Variants in KIF26B observed in about 807,000 individuals in gnomAD.
The protein encoded by KIF26B is kinesin-like protein KIF26B.
Under a neutral mutation model 151.2 loss-of-function variants are expected in KIF26B, and 63 were observed. That is an observed-to-expected ratio of 0.42 (90% confidence interval 0.34 to 0.51). KIF26B has a LOEUF of 0.51. Ranked by LOEUF, KIF26B falls within the 20% of genes least tolerant of loss-of-function variation. KIF26B has a pLI of 0.07. For missense variants in KIF26B, 2,813 were observed against 2,913.6 expected, an observed-to-expected ratio of 0.97 and a Z score of 0.79; for synonymous variants, 1,357 against 1,262.1, an observed-to-expected ratio of 1.08 and a Z score of -1.59.
Position 245,170,450 on chromosome 1 carries a change from G to A in KIF26B, c.465+13767G>A, listed in dbSNP as rs1021985758. Among the ~76,000 whole-genome samples the A allele has an allele frequency of 5.3e-5, 8 of 152,154 alleles. No homozygotes were observed. Among genetic ancestry groups the A allele is most frequent in the African/African-American group, 1.4e-4 (6 of 41,434 alleles). ...AATTGGTTCCAGGTGTTCCAGGGAC[G>A]AAACTTATCAGAACCAAACATAGAG... On this transcript the variant is annotated intron_variant, in intron 2 of 14. Coordinates refer to ENST00000407071, the MANE Select transcript of KIF26B (RefSeq NM_018012.4). The surrounding 1 kb of genome is among the most constrained non-coding windows in gnomAD (Gnocchi z 4.4).
At chr1:245,208,668 C>A (rs1669454310) in intron 2 of KIF26B, among the ~76,000 whole-genome samples, 1 of 152,152 alleles carries the variant, frequency 6.6e-6, no homozygotes, top group Non-Finnish European at 1.5e-5. Flanking sequence ...ACCCAGGACC[C>A]AACATCTCCA....
At chr1:245,590,108 G>A (rs2043270566) in intron 5 of KIF26B, among the ~76,000 whole-genome samples, 1 of 151,962 alleles carries the variant, frequency 6.6e-6, no homozygotes, top group Admixed American at 6.5e-5. Context: ...CGCCTCTGTG[G>A]CGGCTGGGCC....
At chr1:245,172,149 G>A (rs189592582) in intron 2 of KIF26B, among the ~76,000 whole-genome samples, 181 of 152,216 alleles carry the variant, frequency 1.2e-3, no homozygotes, top group African/African-American at 4.2e-3. Flanking sequence ...CGTGTGTCTA[G>A]ACTTGGTGGT....
chr1:245,590,127 T>G (rs951772753), intron 5 of KIF26B, among the ~76,000 whole-genome samples: 26 of 120,980 alleles, frequency 2.1e-4, no homozygotes, highest in African/African-American at 5.2e-4. Context: ...CCCCGCGGGG[T>G]CGGGGGGTGG....
intron 2 of KIF26B, among the ~76,000 whole-genome samples, chr1:245,328,997 T>A (rs1672047943): frequency 6.6e-6 from 1 of 152,242 alleles, no homozygotes; most frequent in African/African-American, 2.4e-5. Context: ...TTTTCTGTCA[T>A]TTTGTAGTTC....
At chr1:245,524,120 T>C (rs931671834) in intron 4 of KIF26B, among the ~76,000 whole-genome samples, 6 of 152,218 alleles carry the variant, frequency 3.9e-5, no homozygotes, top group African/African-American at 1.4e-4. Context: ...AGCTTGGTTA[T>C]TGTACTTGGA....
chr1:245,536,674 G>A (rs78170305), intron 4 of KIF26B, among the ~76,000 whole-genome samples: 2,585 of 152,248 alleles, frequency 0.017, 93 homozygotes, highest in African/African-American at 0.06. Context: ...CTTAGTGGGT[G>A]TGATTTATCT....
intron 4 of KIF26B, among the ~76,000 whole-genome samples, chr1:245,451,443 A>T (rs1324079498): frequency 6.6e-6 from 1 of 151,838 alleles, no homozygotes; most frequent in African/African-American, 2.4e-5. Flanking sequence ...ATGATCAGAT[A>T]ATATTGTTTT....
At chr1:245,264,595 A>C (rs1670706195) in intron 2 of KIF26B, among the ~76,000 whole-genome samples, 1 of 152,062 alleles carries the variant, frequency 6.6e-6, no homozygotes, top group African/African-American at 2.4e-5. Flanking sequence ...AAACAAAACA[A>C]AAAAAAACAG....
intron 2 of KIF26B, among the ~76,000 whole-genome samples, chr1:245,261,560 T>C (rs371458055): frequency 2.8e-5 from 4 of 141,330 alleles, no homozygotes; most frequent in African/African-American, 1.0e-4. Context: ...TCCCTCCGTC[T>C]GTCCCTCTCT....
rs76408842 is a variant in KIF26B, at chr1:245,192,571, T to C, written c.465+35888T>C. 5.6e-3 allele frequency among the ~76,000 whole-genome samples: 856 copies of C among 152,362 alleles called. 6 individuals carry two copies. Among genetic ancestry groups the C allele is most frequent in the African/African-American group, 0.02 (823 of 41,592 alleles). Reference sequence around the variant, plus strand: ...AGTTACATAGTTTTCAAACTCTGTCTCCTGCTAAATGATCATCTATACTGA... The same window carrying C: ...AGTTACATAGTTTTCAAACTCTGTCCCCTGCTAAATGATCATCTATACTGA... On this transcript the variant is annotated intron_variant, in intron 2 of 14. Transcript: ENST00000407071.
Position 245,704,117 on chromosome 1 carries a change from C to CTGA in KIF26B, c.*1516_*1518dup, listed in dbSNP as rs1391836916. On this transcript the variant is annotated 3_prime_UTR_variant, in exon 15 of 15. Coordinates refer to ENST00000407071, the MANE Select transcript of KIF26B (RefSeq NM_018012.4). ...GATTTCCCTGATAAAAGCTGTGGTGCTGATGATAGTGCAGCCCAGAATCTA... is the reference window on the plus strand; with the variant it reads ...GATTTCCCTGATAAAAGCTGTGGTGCTGATGATGATAGTGCAGCCCAGAATCTA... 6.6e-6 allele frequency: 1 copy of CTGA among 152,260 alleles called. No individual in the cohort carries two copies. Among genetic ancestry groups the CTGA allele is most frequent in the African/African-American group, 2.4e-5 (1 of 41,450 alleles). 9.4% of individuals were successfully genotyped at this position (152,260 alleles called of 1,614,324 possible). A position where few individuals can be genotyped will look rare whatever the true frequency, so the allele number is the denominator to read the frequency against.
intron 3 of KIF26B, among the ~76,000 whole-genome samples, chr1:245,398,039 C>G (rs1473607285): frequency 6.6e-6 from 1 of 152,162 alleles, no homozygotes; most frequent in Non-Finnish European, 1.5e-5. Context: ...AAGTAGGGAG[C>G]TTTCCATCTT....
chr1:245,507,903 C>G (rs1399079046), intron 4 of KIF26B, among the ~76,000 whole-genome samples: 11 of 152,298 alleles, frequency 7.2e-5, no homozygotes, highest in Middle Eastern at 3.4e-3. Context: ...TGGCATCTTT[C>G]ATTTCCACCT....
At chr1:245,328,167 G>C (rs1463738033) in intron 2 of KIF26B, among the ~76,000 whole-genome samples, 1 of 150,734 alleles carries the variant, frequency 6.6e-6, no homozygotes, top group Non-Finnish European at 1.5e-5. Context: ...GCGGGAGAGA[G>C]ACCCAGGCTG....
intron 2 of KIF26B, among the ~76,000 whole-genome samples, chr1:245,361,805 G>A (rs1035212579): frequency 3.9e-5 from 6 of 152,098 alleles, no homozygotes; most frequent in African/African-American, 4.8e-5. Context: ...TTCTTTTCCC[G>A]TCTTTCCAGA....
chr1:245,177,961 GGGTTAGCCTCCACGTAGGAAA>G (rs928905983), intron 2 of KIF26B, among the ~76,000 whole-genome samples: 1 of 152,158 alleles, frequency 6.6e-6, no homozygotes, highest in African/African-American at 2.4e-5. Context: ...GTTTAGACTG[GGGTTAGCCTCCACGTAGGAAA>G]GGTCTGAAGA....
At chr1:245,632,756 A>T (rs563708911) in intron 9 of KIF26B, among the ~76,000 whole-genome samples, 1 of 152,142 alleles carries the variant, frequency 6.6e-6, no homozygotes, top group Non-Finnish European at 1.5e-5. Flanking sequence ...AAAAATACAA[A>T]AACTAGCTGG....
Position 245,486,708 on chromosome 1 carries a change from C to T in KIF26B, c.1167-54059C>T, listed in dbSNP as rs533245793. Among the ~76,000 whole-genome samples, 26 of 152,134 alleles carry T rather than the reference C, an allele frequency of 1.7e-4. 1 individual carries two copies. Among genetic ancestry groups the T allele is most frequent in the Admixed American group, 1.6e-3 (24 of 15,276 alleles). On this transcript the variant is annotated intron_variant, in intron 4 of 14. Transcript: ENST00000407071. ...TTTTTGGGACGAGGTCTCGCTCTGT[C>T]ACCCAGGCTGGAGTGTAGTAGCAAC...
Sources: gnomAD v4.1 joint callset for allele counts (sites outside exome capture counted in the v4.1 genomes callset) on GRCh38, gnomAD v4.1.1 for gene constraint, Gnocchi (gnomAD v3.1) non-coding constraint, MANE v1.5 for transcripts, NCBI Gene and HGNC (gene_info 2026-07-23, HGNC 2026-07-21) for gene names.